Variants in NCKAP1 observed in about 807,000 individuals in gnomAD.
NCKAP1 encodes nck-associated protein 1.
In NCKAP1, 21 loss-of-function variants were observed where a neutral mutation model predicts 151.2. The observed-to-expected ratio is 0.14, with a 90% CI of 0.10 to 0.20. The LOEUF (loss-of-function observed/expected upper bound fraction) is 0.20, where lower values mean the gene tolerates loss of function less well. NCKAP1 is among the 10% of genes least tolerant of loss of function. NCKAP1 has a pLI of 1.00. For synonymous variants in NCKAP1, 484 were observed against 451.8 expected (o/e 1.07, Z -0.90); for missense variants, 933 against 1,352.1 (o/e 0.69, Z 4.86).
intron 24 of NCKAP1, among the ~76,000 whole-genome samples, chr2:182,940,385 T>C (rs2105809861): frequency 6.6e-6 from 1 of 152,328 alleles, no homozygotes; most frequent in East Asian, 1.9e-4. Context: ...TTTTTTTGTT[T>C]TTTAAAGTAT....
chr2:183,033,007 C>T (rs1438381871), intron 1 of NCKAP1, among the ~76,000 whole-genome samples: 2 of 152,142 alleles, frequency 1.3e-5, no homozygotes, highest in Non-Finnish European at 2.9e-5. Context: ...TGAGATCGTG[C>T]CATTGTACTC....
intron 20 of NCKAP1, among the ~76,000 whole-genome samples, chr2:182,954,928 T>A (rs1180216441): frequency 6.6e-6 from 1 of 151,990 alleles, no homozygotes; most frequent in African/African-American, 2.4e-5. Context: ...AAGCAGACTG[T>A]TTACAAGGAA....
chr2:183,006,793 A>G (rs1051468550), intron 2 of NCKAP1, among the ~76,000 whole-genome samples: 1 of 152,236 alleles, frequency 6.6e-6, no homozygotes, highest in Non-Finnish European at 1.5e-5. Flanking sequence ...CATAGGTAAC[A>G]CATTGTTTGA....
At position 182,917,202 on chromosome 2, in the gene NCKAP1, T is replaced by C. The variant is rs899115929; in HGVS notation, c.*8500A>G. 3 of 152,204 alleles carry C rather than the reference T, an allele frequency of 2.0e-5. No individual in the cohort carries two copies. Among genetic ancestry groups the C allele is most frequent in the Non-Finnish European group, 4.4e-5 (3 of 68,032 alleles). 9.4% of individuals were successfully genotyped at this position (152,204 alleles called of 1,614,324 possible). A position where few individuals can be genotyped will look rare whatever the true frequency, so the allele number is the denominator to read the frequency against. On this transcript the variant is annotated 3_prime_UTR_variant, in exon 31 of 31. Coordinates refer to ENST00000361354, the MANE Select transcript of NCKAP1 (RefSeq NM_013436.5). ...ACTTAGGGAAACAAACTTGGAGAAG[T>C]TAAGTAATTTGTCCATAAGTGACAG...
In NCKAP1 at chr2:182,923,877, T is replaced by C. The variant is rs183705778; in HGVS notation, c.*1825A>G. ...TTTGGACAAAAACTTCAGGTGACTATGAGGAGCGATTTTTTTCTCAGCCTA... is the reference window on the plus strand; with the variant it reads ...TTTGGACAAAAACTTCAGGTGACTACGAGGAGCGATTTTTTTCTCAGCCTA... On this transcript the variant is annotated 3_prime_UTR_variant, in exon 31 of 31. Coordinates refer to ENST00000361354, the MANE Select transcript of NCKAP1 (RefSeq NM_013436.5). The C allele has an allele frequency of 8.5e-5, 13 of 152,364 alleles. No individual in the cohort carries two copies. The highest frequency in any genetic ancestry group is 2.9e-4 in the African/African-American group (12 of 41,594). 9.4% of individuals were successfully genotyped at this position (152,364 alleles called of 1,614,324 possible).
At chr2:183,031,497 C>A (rs886661506) in intron 1 of NCKAP1, among the ~76,000 whole-genome samples, 1 of 151,812 alleles carries the variant, frequency 6.6e-6, no homozygotes, top group Non-Finnish European at 1.5e-5. Flanking sequence ...AAGTAGATGT[C>A]AAACTGTATC....
At chr2:182,983,486 G>A (rs914691696) in intron 10 of NCKAP1, 104 bp from the exon 11 acceptor site, 3 of 700,932 alleles carry the variant, frequency 4.3e-6, no homozygotes, top group African/African-American at 3.7e-5. Context: ...TCTTTTTTTA[G>A]GAAGCCAAAG....
chr2:182,989,636 C>T lies in NCKAP1; in HGVS notation c.791-450G>A, dbSNP rs1698127377. On this transcript the variant is annotated intron_variant, in intron 8 of 30. Coordinates refer to ENST00000361354, the MANE Select transcript of NCKAP1 (RefSeq NM_013436.5). Reference sequence around the variant, plus strand: ...TTGAAGTGGGAGGATTGCTTGAGCCCAGGAGGCAGAGGTTGCAGTGAGTCG... The same window carrying T: ...TTGAAGTGGGAGGATTGCTTGAGCCTAGGAGGCAGAGGTTGCAGTGAGTCG... Among the ~76,000 whole-genome samples, 3 of 152,118 alleles carry T rather than the reference C, an allele frequency of 2.0e-5. No homozygotes were observed. In the South Asian group the frequency reaches 6.2e-4, roughly 32 times the overall value.
chr2:183,029,610 C>T (rs1391899789), intron 1 of NCKAP1, among the ~76,000 whole-genome samples: 1 of 151,788 alleles, frequency 6.6e-6, no homozygotes, highest in Non-Finnish European at 1.5e-5. Context: ...TTGCTGGAGC[C>T]CACAAGTTTG....
In NCKAP1 at chr2:182,978,863, T is replaced by C; in HGVS notation, c.1394A>G (p.Asn465Ser). ...TTTTACACTTAGGGAAGTCATAGTG[T>C]TAACAAAAGAGGACATGATGATTGA... is the stretch of plus-strand genomic sequence containing the variant. ...DESIIMSSFVNTMTSLSVKQV... is the reference protein window; with the variant it reads ...DESIIMSSFVSTMTSLSVKQV... Residue 465 changes from asparagine (N) to serine (S), a missense_variant, in exon 14 of 31, where the codon AAC becomes AGC. By Grantham distance (46) the Asn-to-Ser change is conservative (BLOSUM62 1). Coordinates refer to ENST00000361354, the MANE Select transcript of NCKAP1 (RefSeq NM_013436.5). 1 of 1,606,842 alleles carries C rather than the reference T, an allele frequency of 6.2e-7. No individual in the cohort carries two copies.
Position 182,980,724 on chromosome 2 carries a change from T to C in NCKAP1, c.1341+520A>G, listed in dbSNP as rs1697919557. Reference sequence around the variant, plus strand: ...ACAATCTTCTTCAAAAAGATTTTTATTCTACTTTCCCTCTAATACTTAATT... The same window carrying C: ...ACAATCTTCTTCAAAAAGATTTTTACTCTACTTTCCCTCTAATACTTAATT... On this transcript the variant is annotated intron_variant, in intron 13 of 30. Coordinates refer to ENST00000361354, the MANE Select transcript of NCKAP1 (RefSeq NM_013436.5). Among the ~76,000 whole-genome samples the C allele has an allele frequency of 2.6e-5, 4 of 152,284 alleles. 1 individual carries two copies. The South Asian group carries it at 8.3e-4, about 32-fold the overall frequency.
In NCKAP1 at chr2:182,925,298, A is replaced by G. The variant is rs1048820679; in HGVS notation, c.*404T>C. On this transcript the variant is annotated 3_prime_UTR_variant, in exon 31 of 31. Coordinates refer to ENST00000361354, the MANE Select transcript of NCKAP1 (RefSeq NM_013436.5). ...TGTTTTCAATAAGAACCATAGGTACAGATCAGAACTCTTCCCTATATGAAA... is the reference window on the plus strand; with the variant it reads ...TGTTTTCAATAAGAACCATAGGTACGGATCAGAACTCTTCCCTATATGAAA... 5 of 152,498 alleles carry G rather than the reference A, an allele frequency of 3.3e-5. No homozygotes were observed. Among genetic ancestry groups the G allele is most frequent in the African/African-American group, 1.2e-4 (5 of 41,482 alleles). The allele number at this position is 152,498 out of a possible 1,614,324, so 9.4% of individuals were successfully genotyped here. A position where few individuals can be genotyped will look rare whatever the true frequency, so the allele number is the denominator to read the frequency against.
Position 183,002,270 on chromosome 2 carries a change from C to A in NCKAP1, c.370-1G>T, listed in dbSNP as rs1192485257. The stretch of plus-strand genomic sequence containing the variant: ...TCTTTGTTAAATCAAAGTTTACAGT[C>A]TAGGAGAAAAAAAAATCAAGTTCAA... On this transcript the variant is annotated splice_acceptor_variant, in intron 4 of 30. Transcript: ENST00000361354. LOFTEE classifies it high-confidence loss of function. 1.3e-6 allele frequency: 2 copies of A among 1,488,038 alleles called. No homozygotes were observed. The highest frequency in any genetic ancestry group is 1.8e-6 in the Non-Finnish European group (2 of 1,095,146). 92.2% of individuals were successfully genotyped at this position (1,488,038 alleles called of 1,614,324 possible).
At chr2:182,941,910 T>C (rs540544371) in intron 24 of NCKAP1, among the ~76,000 whole-genome samples, 160 bp downstream of exon 24, 6 of 152,292 alleles carry the variant, frequency 3.9e-5, no homozygotes, top group South Asian at 2.1e-4. Flanking sequence ...CACACACTTA[T>C]ATGATCCTTT....
intron 10 of NCKAP1, among the ~76,000 whole-genome samples, chr2:182,985,573 C>T (rs1698037621): frequency 1.3e-5 from 2 of 151,930 alleles, no homozygotes; most frequent in Admixed American, 6.6e-5. Context: ...GAGGCCAAGG[C>T]AGGCTGATCA....
At chr2:182,947,964 A>G (rs1697141508) in intron 23 of NCKAP1, among the ~76,000 whole-genome samples, 1 of 152,118 alleles carries the variant, frequency 6.6e-6, no homozygotes, top group African/African-American at 2.4e-5. Context: ...CAAGTTCTTA[A>G]TAATACACAA....
At chr2:183,004,047 G>T (rs1243499892) in intron 2 of NCKAP1, among the ~76,000 whole-genome samples, 2 of 152,076 alleles carry the variant, frequency 1.3e-5, no homozygotes, top group Admixed American at 6.6e-5. Context: ...TGCCCTATAA[G>T]ATTCTCAGAA....
rs531840532 is a variant in NCKAP1, at chr2:182,927,866, A to G, written c.3180+251T>C. On this transcript the variant is annotated intron_variant, in intron 29 of 30. Transcript: ENST00000361354. ...GGAAAGAGACTTCCGAGTCTAAGGG[A>G]AATAACGGACGGCTCCTCGATTTTA... Among the ~76,000 whole-genome samples, 9 of 152,086 alleles carry G rather than the reference A, an allele frequency of 5.9e-5. No individual in the cohort carries two copies. In the East Asian group the frequency reaches 1.5e-3, roughly 26 times the overall value.
In NCKAP1 at chr2:182,924,166, T is replaced by A. The variant is rs1696596718; in HGVS notation, c.*1536A>T. 2 of 152,216 alleles carry A rather than the reference T, an allele frequency of 1.3e-5. No individual in the cohort carries two copies. Among genetic ancestry groups the A allele is most frequent in the South Asian group, 4.1e-4 (2 of 4,834 alleles). The allele number at this position is 152,216 out of a possible 1,614,324, so 9.4% of individuals were successfully genotyped here. ...ATCTTTATGGAACAAGTACAATTTT[T>A]CGACAGATAGTGACAACTACTCCCT... On this transcript the variant is annotated 3_prime_UTR_variant, in exon 31 of 31. Coordinates refer to ENST00000361354, the MANE Select transcript of NCKAP1 (RefSeq NM_013436.5).
Sources: allele counts gnomAD v4.1 joint callset (sites outside exome capture counted in the v4.1 genomes callset), GRCh38; gene constraint gnomAD v4.1.1; transcripts MANE v1.5; gene names NCBI Gene and HGNC (gene_info 2026-07-23, HGNC 2026-07-21).